PPARG: variants seen among roughly 807,000 people sequenced by gnomAD.
PPARG encodes the protein peroxisome proliferator activated receptor gamma.
PPARG carries 17 observed loss-of-function variants against 39.2 expected under a neutral mutation model. The observed-to-expected ratio is 0.43, with a 90% confidence interval of 0.30 to 0.65. The LOEUF (loss-of-function observed/expected upper bound fraction) is 0.65. Ranked by LOEUF, PPARG falls within the 30% of genes least tolerant of loss-of-function variation. The pLI is 0.13. For missense variants in PPARG, 406 were observed against 585.9 expected (o/e 0.69, Z 3.17); for synonymous variants, 223 against 215.7 (o/e 1.03, Z -0.30).
intron 1 of PPARG, among the ~76,000 whole-genome samples, chr3:12,312,151 GA>G (rs1404359664): frequency 1.3e-5 from 2 of 152,204 alleles, no homozygotes; most frequent in Non-Finnish European, 2.9e-5. Flanking sequence ...ATTTTTAAAA[GA>G]TTCTCCAGCC....
At chr3:12,308,844 A>G (rs1317299883) in intron 1 of PPARG, among the ~76,000 whole-genome samples, 1 of 152,234 alleles carries the variant, frequency 6.6e-6, no homozygotes, top group Non-Finnish European at 1.5e-5. Context: ...AGCAAGAAGG[A>G]GATGACATAT....
chr3:12,333,857 G>A (rs866761875), intron 2 of PPARG, among the ~76,000 whole-genome samples: 5 of 152,116 alleles, frequency 3.3e-5, no homozygotes, highest in African/African-American at 7.2e-5. Flanking sequence ...TCAAAAGGCC[G>A]TACTCTTAGG....
chr3:12,295,735 G>A (rs746139892), intron 1 of PPARG, among the ~76,000 whole-genome samples: 1 of 151,720 alleles, frequency 6.6e-6, no homozygotes, highest in Non-Finnish European at 1.5e-5. Context: ...GTCTGGTCTC[G>A]AACTCCTGAC....
chr3:12,315,699 C>T (rs552172853), intron 2 of PPARG, among the ~76,000 whole-genome samples: 108 of 152,304 alleles, frequency 7.1e-4, no homozygotes, highest in African/African-American at 2.5e-3. Context: ...CCTACCTCTA[C>T]AAGTCTGGTC....
intron 1 of PPARG, among the ~76,000 whole-genome samples, chr3:12,301,344 C>A (rs1257930382): frequency 6.6e-6 from 1 of 152,126 alleles, no homozygotes; most frequent in Non-Finnish European, 1.5e-5. Flanking sequence ...ACTTACTACT[C>A]ATGCATAAAA....
chr3:12,407,727 G>A (rs1335100600), intron 6 of PPARG, among the ~76,000 whole-genome samples: 8 of 152,128 alleles, frequency 5.3e-5, no homozygotes, highest in African/African-American at 1.4e-4. Context: ...TCTCAAGATG[G>A]TAGTTCTTCT....
At chr3:12,415,421 G>A (rs1470009596) in intron 6 of PPARG, among the ~76,000 whole-genome samples, 1 of 152,182 alleles carries the variant, frequency 6.6e-6, no homozygotes, top group Admixed American at 6.5e-5. Context: ...ATTTGAACAG[G>A]ATTCAAGGTT....
intron 2 of PPARG, among the ~76,000 whole-genome samples, chr3:12,359,174 T>A (rs548269041): frequency 6.6e-6 from 1 of 152,350 alleles, no homozygotes; most frequent in African/African-American, 2.4e-5. Flanking sequence ...CACAATACTA[T>A]GTGTTTCTTG....
intron 2 of PPARG, among the ~76,000 whole-genome samples, chr3:12,360,664 T>A (rs2048817330): frequency 6.6e-6 from 1 of 152,170 alleles, no homozygotes; most frequent in African/African-American, 2.4e-5. Flanking sequence ...TGCCCAGTTT[T>A]GAATTTTATA....
intron 6 of PPARG, among the ~76,000 whole-genome samples, chr3:12,415,133 G>C (rs373972035): frequency 6.6e-6 from 1 of 152,146 alleles, no homozygotes; most frequent in African/African-American, 2.4e-5. Context: ...CAGCATCTCT[G>C]CTCAAAACAA....
chr3:12,417,295 T>A, intron 7 of PPARG, 141 bp downstream of exon 7: 1 of 862,968 alleles, frequency 1.2e-6, no homozygotes, highest in Non-Finnish European at 1.9e-6. Context: ...TCACTACACG[T>A]GCAAAACACT....
chr3:12,430,667 G>A lies in PPARG; in HGVS notation c.1181-3231G>A, dbSNP rs112421682. On this transcript the variant is annotated intron_variant, in intron 7 of 7. Coordinates refer to ENST00000651735, the MANE Select transcript of PPARG (RefSeq NM_138711.6). ...GTGAATGTAATCTACTAGTATAGTAGCGATTGAGGTGTTTATAGGGTGCTA... is the reference window on the plus strand; with the variant it reads ...GTGAATGTAATCTACTAGTATAGTAACGATTGAGGTGTTTATAGGGTGCTA... 3.7e-3 allele frequency among the ~76,000 whole-genome samples: 560 copies of A among 152,302 alleles called. 4 individuals carry two copies. The highest frequency in any genetic ancestry group is 4.8e-3 in the Non-Finnish European group (326 of 68,018).
At chr3:12,402,318 T>G (rs1018253570) in intron 5 of PPARG, among the ~76,000 whole-genome samples, 1 of 152,232 alleles carries the variant, frequency 6.6e-6, no homozygotes, top group East Asian at 1.9e-4. Context: ...CCAGAATGCC[T>G]TCTTCTTTTA....
At chr3:12,288,233 C>T (rs1405885103), upstream of PPARG, among the ~76,000 whole-genome samples, 1 of 151,304 alleles carries the variant, frequency 6.6e-6, no homozygotes, top group Admixed American at 6.6e-5. Context: ...CGGCAGGACC[C>T]GGACTGACGG....
chr3:12,292,809 T>A (rs2046680133), intron 1 of PPARG, among the ~76,000 whole-genome samples: 1 of 152,144 alleles, frequency 6.6e-6, no homozygotes, highest in Non-Finnish European at 1.5e-5. Flanking sequence ...CTTGTGTGCG[T>A]GGGCCCCGGG....
intron 2 of PPARG, among the ~76,000 whole-genome samples, chr3:12,339,425 T>C (rs1461090323): frequency 6.6e-6 from 1 of 152,224 alleles, no homozygotes; most frequent in Non-Finnish European, 1.5e-5. Context: ...CTAAAATTCG[T>C]TGAATTGCAC....
intron 5 of PPARG, among the ~76,000 whole-genome samples, chr3:12,397,251 T>A (rs2050296435): frequency 6.6e-6 from 1 of 151,756 alleles, no homozygotes; most frequent in African/African-American, 2.4e-5. Flanking sequence ...ATTTCACAAA[T>A]TTTTGTGACA....
chr3:12,330,302 T>TTTAA (rs371742787), intron 2 of PPARG, among the ~76,000 whole-genome samples: 8 of 121,052 alleles, frequency 6.6e-5, no homozygotes, highest in African/African-American at 2.5e-4. Context: ...CACCTTTTTT[T>TTTAA]AAAAAAAAAA....
intron 6 of PPARG, 101 bp from the exon 7 acceptor site, chr3:12,416,603 A>G (rs1342511570): frequency 8.7e-7 from 1 of 1,144,030 alleles, no homozygotes; most frequent in African/African-American, 1.5e-5. Context: ...GATTTTAGTT[A>G]GCAAAGCAAG....
Sources: gnomAD v4.1 joint callset for allele counts (sites outside exome capture counted in the v4.1 genomes callset) on GRCh38, gnomAD v4.1.1 for gene constraint, MANE v1.5 for transcripts, NCBI Gene and HGNC (gene_info 2026-07-23, HGNC 2026-07-21) for gene names.